ZNF330: variants seen among roughly 807,000 people sequenced by gnomAD.
The protein encoded by ZNF330 is zinc finger protein 330.
ZNF330 carries 31 observed loss-of-function variants against 45.5 expected under a neutral mutation model. The ratio of observed to expected loss-of-function variants is 0.68; its 90% CI spans 0.51 to 0.92. The LOEUF is 0.92. Among genes scored for constraint, ZNF330 ranks in the 40% least tolerant of loss-of-function variants. ZNF330 has a pLI of 0.00. For synonymous variants in ZNF330, 138 were observed against 123.2 expected (o/e 1.12, Z -0.79); for missense variants, 356 against 387.4 (o/e 0.92, Z 0.68).
intron 1 of ZNF330, among the ~76,000 whole-genome samples, chr4:141,221,792 A>AAG (rs34070397): frequency 0.36 from 54,182 of 151,686 alleles, 11,619 homozygotes; most frequent in East Asian, 0.61. Context: ...GCATTTGTTA[A>AAG]AGTCAGAGCA....
chr4:141,220,864 T>A (rs1467531611), upstream of ZNF330: 2 of 152,212 alleles, frequency 1.3e-5, no homozygotes, highest in African/African-American at 4.8e-5. Flanking sequence ...GGTGGGCGGC[T>A]CCCGTCCTAT....
intron 6 of ZNF330, 75 bp from the exon 7 acceptor site, chr4:141,230,091 A>C: frequency 9.7e-7 from 1 of 1,034,326 alleles, no homozygotes; most frequent in Non-Finnish European, 1.4e-6. Context: ...CATCTCTTCT[A>C]AGCAGTATTA....
At chr4:141,228,455 C>T (rs551102422) in intron 5 of ZNF330, among the ~76,000 whole-genome samples, 7 of 152,186 alleles carry the variant, frequency 4.6e-5, no homozygotes, top group African/African-American at 1.7e-4. Flanking sequence ...CTTCATCTCA[C>T]TCCGTACCAG....
chr4:141,221,590 A>G (rs1200644325), intron 1 of ZNF330, among the ~76,000 whole-genome samples: 2 of 151,452 alleles, frequency 1.3e-5, no homozygotes. Context: ...CACCTATTAA[A>G]TCTGGCTATT....
intron 1 of ZNF330, among the ~76,000 whole-genome samples, chr4:141,222,127 T>C (rs1406214080): frequency 6.6e-6 from 1 of 152,202 alleles, no homozygotes; most frequent in Non-Finnish European, 1.5e-5. Flanking sequence ...GGGTAAATTT[T>C]TTTGACGTTT....
chr4:141,232,229 C>G (rs1351526467), intron 8 of ZNF330, among the ~76,000 whole-genome samples: 1 of 152,116 alleles, frequency 6.6e-6, no homozygotes, highest in Non-Finnish European at 1.5e-5. Flanking sequence ...AGTAAATAGG[C>G]TGTTCACCAT....
Position 141,234,073 on chromosome 4 carries a change from C to T in ZNF330, c.*84C>T, listed in dbSNP as rs1465315284. The T allele has an allele frequency of 6.6e-7, 1 of 1,515,048 alleles. No individual in the cohort carries two copies. Among genetic ancestry groups the T allele is most frequent in the Non-Finnish European group, 8.8e-7 (1 of 1,137,584 alleles). The allele number at this position is 1,515,048 out of a possible 1,614,324, so 93.9% of individuals were successfully genotyped here. Reference sequence around the variant, plus strand: ...AATTGTGTGTGGTTGTTCAAAAGTACCTTAGCCACTTAGCCTTGTGCAGAA... The same window carrying T: ...AATTGTGTGTGGTTGTTCAAAAGTATCTTAGCCACTTAGCCTTGTGCAGAA... On this transcript the variant is annotated 3_prime_UTR_variant, in exon 10 of 10. Transcript: ENST00000262990.
chr4:141,224,496 A>T lies in ZNF330; in HGVS notation c.130A>T (p.Lys44Ter). 1 of 1,608,372 alleles carries T rather than the reference A, an allele frequency of 6.2e-7. No homozygotes were observed. The highest frequency in any genetic ancestry group is 2.2e-5 in the East Asian group (1 of 44,804). ...HPCNASMECD[K>*]CQRRQKNRAF... Reference sequence around the variant, plus strand: ...TTTTTATATGTTACAGGAATGTGACAAGTGTCAGAGGTAAATTTTATTTCT... The same window carrying T: ...TTTTTATATGTTACAGGAATGTGACTAGTGTCAGAGGTAAATTTTATTTCT... Residue 44 changes from lysine (K) to a stop codon, truncating the protein, a stop_gained, in exon 3 of 10, where the codon AAG becomes TAG. Transcript: ENST00000262990. LOFTEE classifies it high-confidence loss of function.
intron 5 of ZNF330, 123 bp downstream of exon 5, chr4:141,226,969 A>G: frequency 1.4e-6 from 1 of 694,774 alleles, no homozygotes; most frequent in East Asian, 2.9e-5. Context: ...ATCTGTAGTT[A>G]TCTGGATTAT....
chr4:141,232,702 C>CT (rs367794846), intron 9 of ZNF330, 60 bp downstream of exon 9: 51,646 of 696,280 alleles, frequency 0.074, 193 homozygotes, highest in Non-Finnish European at 0.083. Context: ...CAAAGTTTAT[C>CT]TTTTTTTTTT....
chr4:141,224,425 A>G, intron 2 of ZNF330, 62 bp from the exon 3 acceptor site: 10 of 1,478,996 alleles, frequency 6.8e-6, no homozygotes, highest in Non-Finnish European at 9.4e-6. Context: ...TCTTTGTAAT[A>G]CAAGTAAATT....
At chr4:141,221,960 C>A (rs1728690041) in intron 1 of ZNF330, among the ~76,000 whole-genome samples, 1 of 151,974 alleles carries the variant, frequency 6.6e-6, no homozygotes, top group South Asian at 2.1e-4. Context: ...ATATATAGCT[C>A]AAAAAAGTGA....
rs1457774024 is a variant in ZNF330 at position 141,229,651 on chromosome 4, T to C, written c.372T>C (p.Leu124=). 24 of 1,613,098 alleles carry C rather than the reference T, an allele frequency of 1.5e-5. No individual in the cohort carries two copies. The highest frequency in any genetic ancestry group is 2.0e-5 in the Non-Finnish European group (24 of 1,179,332). ...CLSTHACACP[L]TDAECVECER... ...GTACACATGCTTGTGCCTGCCCTCT[T>C]ACCGATGCTGAGTGTGTTGAATGTG... Residue 124 remains leucine, a synonymous_variant, in exon 6 of 10, where the codon CTT becomes CTC. Coordinates refer to ENST00000262990, the MANE Select transcript of ZNF330 (RefSeq NM_014487.6).
chr4:141,227,819 A>G (rs776406429), intron 5 of ZNF330, among the ~76,000 whole-genome samples: 2 of 152,146 alleles, frequency 1.3e-5, no homozygotes, highest in Non-Finnish European at 2.9e-5. Flanking sequence ...AAAAAAGTGT[A>G]TATATTTAAC....
chr4:141,229,485 A>G (rs1728894752), intron 5 of ZNF330, 86 bp from the exon 6 acceptor site: 4 of 1,551,560 alleles, frequency 2.6e-6, no homozygotes, highest in East Asian at 4.5e-5. Context: ...TGCTAAATGT[A>G]TACAGTTTTG....
At chr4:141,223,833 T>C (rs1399154064) in intron 2 of ZNF330, 2 of 454,920 alleles carry the variant, frequency 4.4e-6, no homozygotes. Flanking sequence ...GGTGGGATTT[T>C]CACCAGAACT....
At chr4:141,224,753 T>C (rs1728762309) in intron 4 of ZNF330, 76 bp downstream of exon 4, 1 of 1,225,164 alleles carries the variant, frequency 8.2e-7, no homozygotes, top group African/African-American at 1.5e-5. Context: ...GTGGGTTTGT[T>C]GCTATTGGTT....
At chr4:141,231,883 C>T (rs955422878) in intron 8 of ZNF330, among the ~76,000 whole-genome samples, 1 of 152,224 alleles carries the variant, frequency 6.6e-6, no homozygotes, top group East Asian at 1.9e-4. Flanking sequence ...GATTACTAAA[C>T]AGATGCAGCC....
chr4:141,223,995 G>A (rs1270031539), intron 2 of ZNF330: 3 of 300,668 alleles, frequency 1.0e-5, no homozygotes, highest in South Asian at 6.2e-5. Flanking sequence ...AGTGATTAGG[G>A]GCCAGATTGT....
Sources: allele counts gnomAD v4.1 joint callset (sites outside exome capture counted in the v4.1 genomes callset), GRCh38; gene constraint gnomAD v4.1.1; transcripts MANE v1.5; gene names NCBI Gene and HGNC (gene_info 2026-07-23, HGNC 2026-07-21).